ZNF496: variants seen among roughly 807,000 people sequenced by gnomAD.
The protein encoded by ZNF496 is NSD1 (nuclear receptor binding SET-domain containing 1)-interacting zinc finger protein 1.
In ZNF496, 11 loss-of-function variants were observed where a neutral mutation model predicts 58.9. The observed-to-expected ratio is 0.19, with a 90% confidence interval of 0.12 to 0.31. The LOEUF is 0.31. Ranked by LOEUF, ZNF496 falls within the 10% of genes least tolerant of loss-of-function variation. The probability of loss-of-function intolerance (pLI) is 1.00; values close to 1 mark genes in which losing one functional copy is unlikely to be tolerated. For missense variants in ZNF496, 660 were observed against 783.0 expected (o/e 0.84, Z 1.88); for synonymous variants, 338 against 318.2 (o/e 1.06, Z -0.66).
intron 9 of ZNF496, chr1:247,303,955 G>GA (rs1659325406): frequency 3.6e-6 from 1 of 277,816 alleles, no homozygotes; most frequent in Non-Finnish European, 7.3e-6. Context: ...ATCCAGGAAG[G>GA]TCTATGGAGG....
intron 9 of ZNF496, 36 bp from the exon 10 acceptor site, chr1:247,301,312 A>G (rs1379967836): frequency 6.7e-7 from 1 of 1,499,694 alleles, no homozygotes; most frequent in African/African-American, 1.4e-5. Flanking sequence ...GCGACGCTGC[A>G]CAGGCCACAT....
chr1:247,301,183 T>G lies in ZNF496; in HGVS notation c.1100A>C (p.His367Pro), dbSNP rs753912934. 8.2e-6 allele frequency: 13 copies of G among 1,591,710 alleles called. No homozygotes were observed. In the South Asian group the frequency reaches 1.4e-4, roughly 18 times the overall value. Residue 367 changes from histidine (H) to proline (P), a missense_variant, in exon 10 of 10, where the codon CAT becomes CCT. Coordinates refer to ENST00000682384, the MANE Select transcript of ZNF496 (RefSeq NM_032752.3). The stretch of plus-strand genomic sequence containing the variant: ...CAGCTCTTCTGTGCAGTACGGGCCA[T>G]GCTGGGAGTCCTCGTCCCCAGAGCT... Reference protein sequence around the residue: ...LSSSGDEDSQHGPYCTEELGS... With the variant: ...LSSSGDEDSQPGPYCTEELGS...
At chr1:247,310,642 G>A in intron 6 of ZNF496, 186 bp from the exon 7 acceptor site, 1 of 661,218 alleles carries the variant, frequency 1.5e-6, no homozygotes, top group Non-Finnish European at 2.5e-6. Flanking sequence ...GGTGCCTGGT[G>A]AGGGCCCACT....
chr1:247,304,089 G>A (rs1315939580), intron 9 of ZNF496: 1 of 435,220 alleles, frequency 2.3e-6, no homozygotes, highest in Admixed American at 2.6e-5. Flanking sequence ...TGAAATAAAA[G>A]AAGGCTAGGA....
intron 9 of ZNF496, among the ~76,000 whole-genome samples, 181 bp from the exon 10 acceptor site, chr1:247,301,457 T>A (rs1355403199): frequency 2.0e-5 from 3 of 152,044 alleles, no homozygotes; most frequent in Admixed American, 6.6e-5. Context: ...GAGGAAGAAA[T>A]CTTCAGCATG....
intron 6 of ZNF496, among the ~76,000 whole-genome samples, chr1:247,319,442 T>G (rs964845140): frequency 6.6e-6 from 1 of 152,172 alleles, no homozygotes. Context: ...CGAAATGGAA[T>G]TCTACATGTT....
intron 9 of ZNF496, chr1:247,306,993 TA>T: frequency 4.5e-6 from 3 of 670,262 alleles, no homozygotes; most frequent in Middle Eastern, 7.7e-4. Context: ...GTTTAGGACA[TA>T]AAGAAAACAA....
At chr1:247,305,148 G>A (rs143810493) in intron 9 of ZNF496, among the ~76,000 whole-genome samples, 4 of 152,188 alleles carry the variant, frequency 2.6e-5, no homozygotes, top group African/African-American at 9.6e-5. Flanking sequence ...CATATGGGTG[G>A]GTGGGCTCCC....
intron 6 of ZNF496, chr1:247,311,410 A>AC (rs1301755566): frequency 2.6e-4 from 37 of 144,102 alleles, no homozygotes; most frequent in Admixed American, 7.2e-4. Context: ...AAAAAAAAAA[A>AC]AACAAAACAC....
At chr1:247,314,313 T>A (rs899583080) in intron 6 of ZNF496, among the ~76,000 whole-genome samples, 4 of 151,704 alleles carry the variant, frequency 2.6e-5, no homozygotes, top group African/African-American at 9.8e-5. Flanking sequence ...CACCTCAGCC[T>A]CCCATAGGGC....
At position 247,331,547 on chromosome 1, in the gene ZNF496, CG is replaced by C. The variant is rs1660328874; in HGVS notation, c.-270del. Reference sequence around the variant, plus strand: ...GCCCGGCCGGGCGTACTCGCTGAGGCGGGGTCTCCGCAGGCGCCCGGCTCCT... The same window carrying C: ...GCCCGGCCGGGCGTACTCGCTGAGGCGGGTCTCCGCAGGCGCCCGGCTCCT... On this transcript the variant is annotated 5_prime_UTR_variant, in exon 2 of 10. An upstream open reading frame in the 5' UTR gains an earlier in-frame stop. Coordinates refer to ENST00000682384, the MANE Select transcript of ZNF496 (RefSeq NM_032752.3). The C allele has an allele frequency of 6.6e-6, 1 of 152,158 alleles. No individual in the cohort carries two copies. The highest frequency in any genetic ancestry group is 6.5e-5 in the Admixed American group (1 of 15,286). 9.4% of individuals were successfully genotyped at this position (152,158 alleles called of 1,614,324 possible). A position where few individuals can be genotyped will look rare whatever the true frequency, so the allele number is the denominator to read the frequency against.
intron 9 of ZNF496, among the ~76,000 whole-genome samples, chr1:247,306,291 G>A (rs1659405733): frequency 1.3e-5 from 2 of 151,892 alleles, no homozygotes; most frequent in South Asian, 2.1e-4. Context: ...TACCTCCTGA[G>A]TTCAAGCAAT....
At position 247,308,071 on chromosome 1, in the gene ZNF496, G is replaced by C. The variant is rs965728384; in HGVS notation, c.1006+404C>G. The C allele has an allele frequency of 1.0e-6, 1 of 960,050 alleles. No homozygotes were observed. Among genetic ancestry groups the C allele is most frequent in the Non-Finnish European group, 1.2e-6 (1 of 806,860 alleles). 59.5% of individuals were successfully genotyped at this position (960,050 alleles called of 1,614,324 possible). A position where few individuals can be genotyped will look rare whatever the true frequency, so the allele number is the denominator to read the frequency against. On this transcript the variant is annotated intron_variant, in intron 9 of 9. Coordinates refer to ENST00000682384, the MANE Select transcript of ZNF496 (RefSeq NM_032752.3). This position sits in a 1 kb window ranked among gnomAD's most constrained non-coding sequence, Gnocchi z 4.5. ...TCACTGCATCACCAACAGCACTACAGCAGCACCCTGCTTTGACACACCCTC... is the reference window on the plus strand; with the variant it reads ...TCACTGCATCACCAACAGCACTACACCAGCACCCTGCTTTGACACACCCTC...
At position 247,329,046 on chromosome 1, in the gene ZNF496, T is replaced by C; in HGVS notation, c.390+143A>G. ...AGCCTTCAGGGAGTAAAACTGGCTT[T>C]CTTAGGAAACTCTAGTCTGGACCTA... On this transcript the variant is annotated intron_variant, in intron 4 of 9. Coordinates refer to ENST00000682384, the MANE Select transcript of ZNF496 (RefSeq NM_032752.3). This position sits in a 1 kb window ranked among gnomAD's most constrained non-coding sequence, Gnocchi z 5.5. 2 of 1,454,756 alleles carry C rather than the reference T, an allele frequency of 1.4e-6. No homozygotes were observed. The highest frequency in any genetic ancestry group is 1.9e-6 in the Non-Finnish European group (2 of 1,070,344). The allele number at this position is 1,454,756 out of a possible 1,614,324, so 90.1% of individuals were successfully genotyped here.
intron 5 of ZNF496, among the ~76,000 whole-genome samples, chr1:247,323,871 T>C (rs1398659655): frequency 1.3e-5 from 2 of 151,978 alleles, no homozygotes; most frequent in Non-Finnish European, 2.9e-5. Context: ...TCCTAGCTCT[T>C]TGGGAAGCCA....
Position 247,329,548 on chromosome 1 carries a change from C to A in ZNF496, c.31G>T (p.Ala11Ser). ...CTGGGCTCCTCACTTTCCTTCGGAGCCAAGACTCGGGGGCACAGGGCTGTG... is the reference window on the plus strand; with the variant it reads ...CTGGGCTCCTCACTTTCCTTCGGAGACAAGACTCGGGGGCACAGGGCTGTG... MPTALCPRVL[A>S]PKESEEPRKM... Residue 11 changes from alanine (A) to serine (S), a missense_variant, in exon 4 of 10, where the codon GCT becomes TCT. Ala to Ser is a moderately conservative substitution (Grantham distance 99). Transcript: ENST00000682384. This position sits in a 1 kb window ranked among gnomAD's most constrained non-coding sequence, Gnocchi z 5.5. 6.4e-7 allele frequency: 1 copy of A among 1,569,524 alleles called. No individual in the cohort carries two copies. Among genetic ancestry groups the A allele is most frequent in the Non-Finnish European group, 8.6e-7 (1 of 1,163,852 alleles).
At chr1:247,319,720 C>T (rs957336147) in intron 6 of ZNF496, among the ~76,000 whole-genome samples, 4 of 152,076 alleles carry the variant, frequency 2.6e-5, no homozygotes, top group Admixed American at 1.3e-4. Flanking sequence ...GTCAGAAGTT[C>T]AAGACCAGCC....
At chr1:247,320,156 G>A (rs1159362418) in intron 6 of ZNF496, among the ~76,000 whole-genome samples, 1 of 152,164 alleles carries the variant, frequency 6.6e-6, no homozygotes, top group African/African-American at 2.4e-5. Flanking sequence ...AATGAAGACT[G>A]ATGTGTATAT....
At chr1:247,306,972 C>T in intron 9 of ZNF496, 3 of 470,008 alleles carry the variant, frequency 6.4e-6, no homozygotes, top group South Asian at 9.0e-5. Context: ...ATCACTGAAT[C>T]CTGGTGCAAT....
Sources: allele counts gnomAD v4.1 joint callset (sites outside exome capture counted in the v4.1 genomes callset), GRCh38; gene constraint gnomAD v4.1.1; non-coding constraint Gnocchi (gnomAD v3.1); transcripts MANE v1.5; gene names NCBI Gene and HGNC (gene_info 2026-07-23, HGNC 2026-07-21).